Variants in MYLK observed in about 807,000 individuals in gnomAD.
MYLK encodes myosin light chain kinase, smooth muscle.
MYLK carries 106 observed loss-of-function variants against 203.4 expected under a neutral mutation model. That is an observed-to-expected ratio of 0.52 (90% CI 0.45 to 0.61). The LOEUF is 0.61. Ranked by LOEUF, MYLK falls within the 20% of genes least tolerant of loss-of-function variation. MYLK has a pLI of 0.00. For missense variants in MYLK, 2,072 were observed against 2,442.3 expected (o/e 0.85, Z 3.20); for synonymous variants, 867 against 959.5 (o/e 0.90, Z 1.78).
chr3:123,715,789 C>T (rs1267771607), intron 13 of MYLK: 1 of 152,110 alleles, frequency 6.6e-6, no homozygotes. Context: ...CTTTTCTTTC[C>T]GTTGTTTTAG....
intron 3 of MYLK, among the ~76,000 whole-genome samples, chr3:123,796,346 C>CAGG: frequency 6.6e-6 from 1 of 152,154 alleles, no homozygotes; most frequent in East Asian, 1.9e-4. Context: ...GGCATTTGAA[C>CAGG]CCAAGCACCT....
chr3:123,757,474 G>C (rs2063393514), intron 4 of MYLK, among the ~76,000 whole-genome samples: 1 of 152,132 alleles, frequency 6.6e-6, no homozygotes. Flanking sequence ...ACCGCAGATA[G>C]GTCACATGAG....
At chr3:123,792,123 T>C (rs1243719150) in intron 4 of MYLK, among the ~76,000 whole-genome samples, 6 of 152,152 alleles carry the variant, frequency 3.9e-5, no homozygotes, top group Non-Finnish European at 7.3e-5. Context: ...GCATGGTTCT[T>C]TCATGACACC....
rs114182335 is a variant in MYLK at position 123,751,781 on chromosome 3, T to A, written c.373+550A>T. On this transcript the variant is annotated intron_variant, in intron 5 of 33. Transcript: ENST00000360304. The stretch of plus-strand genomic sequence containing the variant: ...TCGAGTGGGGTGAGAAGATGGAGAG[T>A]CATAGGGCTGGGATGGTTGGGAAAG... Among the ~76,000 whole-genome samples, 196 of 151,566 alleles carry A rather than the reference T, an allele frequency of 1.3e-3. 3 individuals carry two copies. Among genetic ancestry groups the A allele is most frequent in the African/African-American group, 4.6e-3 (190 of 41,292 alleles).
At chr3:123,722,506 T>G (rs565552824) in intron 12 of MYLK, among the ~76,000 whole-genome samples, 1 of 151,642 alleles carries the variant, frequency 6.6e-6, no homozygotes, top group African/African-American at 2.4e-5. Context: ...GGAGTAATTG[T>G]GTGGTGGAGG....
In MYLK at chr3:123,751,226, A is replaced by G. The variant is rs55857549; in HGVS notation, c.373+1105T>C. Among the ~76,000 whole-genome samples the G allele has an allele frequency of 5.3e-3, 804 of 152,296 alleles. 8 individuals are homozygous for G. Among genetic ancestry groups the G allele is most frequent in the African/African-American group, 0.019 (779 of 41,556 alleles). ...GCTGACAGACCCCATGTCCTTCCTG[A>G]TATCAAGGCTTTAAGTGTCAGCCAG... On this transcript the variant is annotated intron_variant, in intron 5 of 33. Transcript: ENST00000360304.
In MYLK at chr3:123,647,447, G is replaced by C; in HGVS notation, c.4416-20C>G. 6.2e-7 allele frequency: 1 copy of C among 1,611,550 alleles called. No individual in the cohort carries two copies. The highest frequency in any genetic ancestry group is 1.7e-5 in the Admixed American group (1 of 60,018). On this transcript the variant is annotated intron_variant, in intron 26 of 33. Coordinates refer to ENST00000360304, the MANE Select transcript of MYLK (RefSeq NM_053025.4). ...TTCCCACTGCAAATGAAAGGGGGAG[G>C]AGAGAAAAGCCACATTTAGCCAAGC...
intron 31 of MYLK, among the ~76,000 whole-genome samples, chr3:123,626,054 C>T (rs1407891173): frequency 6.6e-6 from 1 of 152,110 alleles, no homozygotes; most frequent in Non-Finnish European, 1.5e-5. Flanking sequence ...TTCTCTGCCT[C>T]AATTTTGTCT....
At chr3:123,857,004 C>T (rs528706867) in intron 2 of MYLK, among the ~76,000 whole-genome samples, 152 of 152,252 alleles carry the variant, frequency 1.0e-3, no homozygotes, top group Admixed American at 7.2e-3. Flanking sequence ...ACAGACATTT[C>T]TCAAAAGAAG....
chr3:123,756,402 C>T (rs1252832162), intron 4 of MYLK, among the ~76,000 whole-genome samples: 1 of 152,136 alleles, frequency 6.6e-6, no homozygotes, highest in Admixed American at 6.5e-5. Flanking sequence ...CTAAGACACC[C>T]CTAGGAGAGT....
chr3:123,850,659 A>T (rs181116358), intron 2 of MYLK, among the ~76,000 whole-genome samples: 1 of 152,108 alleles, frequency 6.6e-6, no homozygotes, highest in African/African-American at 2.4e-5. Context: ...TTGTCAGATG[A>T]GTAAATTGCA....
intron 3 of MYLK, among the ~76,000 whole-genome samples, chr3:123,821,196 C>T (rs1360186823): frequency 6.6e-6 from 1 of 152,178 alleles, no homozygotes; most frequent in Non-Finnish European, 1.5e-5. Context: ...CTTGAACTAT[C>T]ATGCTTTGCT....
At chr3:123,807,152 G>A (rs912816378) in intron 3 of MYLK, among the ~76,000 whole-genome samples, 2 of 152,112 alleles carry the variant, frequency 1.3e-5, no homozygotes, top group Non-Finnish European at 1.5e-5. Flanking sequence ...CTTATGGCTG[G>A]GCATGGTGGC....
At chr3:123,850,567 CT>C (rs2030661343) in intron 2 of MYLK, among the ~76,000 whole-genome samples, 1 of 152,168 alleles carries the variant, frequency 6.6e-6, no homozygotes, top group South Asian at 2.1e-4. Context: ...TGTTCATATC[CT>C]TTGCCCACTT....
intron 12 of MYLK, among the ~76,000 whole-genome samples, chr3:123,723,611 G>T (rs1040556081): frequency 1.3e-5 from 2 of 152,220 alleles, no homozygotes; most frequent in Non-Finnish European, 2.9e-5. Flanking sequence ...ACAAACATGG[G>T]ATGGGATGGA....
intron 2 of MYLK, among the ~76,000 whole-genome samples, chr3:123,846,760 C>T (rs966610806): frequency 6.6e-6 from 1 of 152,012 alleles, no homozygotes; most frequent in Admixed American, 6.6e-5. Context: ...TCAATATAGC[C>T]CTTTTCTCCA....
At chr3:123,664,018 T>C in intron 23 of MYLK, 87 bp downstream of exon 23, 1 of 1,573,328 alleles carries the variant, frequency 6.4e-7, no homozygotes, top group African/African-American at 1.4e-5. Flanking sequence ...TAATGGGTGA[T>C]GAAGTCCTGA....
At chr3:123,740,323 TA>T (rs1222773963) in intron 5 of MYLK, among the ~76,000 whole-genome samples, 1 of 152,240 alleles carries the variant, frequency 6.6e-6, no homozygotes, top group Non-Finnish European at 1.5e-5. Context: ...TGCCAGATTC[TA>T]AAACTCTCAA....
chr3:123,847,611 G>T (rs2030190833), intron 2 of MYLK, among the ~76,000 whole-genome samples: 1 of 151,978 alleles, frequency 6.6e-6, no homozygotes, highest in Admixed American at 6.6e-5. Context: ...TGAGAAGTTT[G>T]CCTCAATTGT....
Sources: allele counts gnomAD v4.1 joint callset (sites outside exome capture counted in the v4.1 genomes callset), GRCh38; gene constraint gnomAD v4.1.1; transcripts MANE v1.5; gene names NCBI Gene and HGNC (gene_info 2026-07-23, HGNC 2026-07-21).